KIAA0825: variants seen among roughly 807,000 people sequenced by gnomAD.
KIAA0825 encodes KIAA0825.
KIAA0825 carries 119 observed loss-of-function variants against 147.6 expected under a neutral mutation model. The ratio of observed to expected loss-of-function variants is 0.81; its 90% confidence interval spans 0.69 to 0.94. KIAA0825 has a LOEUF of 0.94. Among genes scored for constraint, KIAA0825 ranks in the 40% least tolerant of loss-of-function variants. The pLI is 0.00. For synonymous variants in KIAA0825, 470 were observed against 518.1 expected (o/e 0.91, Z 1.26); for missense variants, 1,381 against 1,472.7 (o/e 0.94, Z 1.02).
chr5:94,190,923 C>T (rs765790443), intron 20 of KIAA0825, among the ~76,000 whole-genome samples: 3 of 152,066 alleles, frequency 2.0e-5, no homozygotes, highest in Non-Finnish European at 4.4e-5. Context: ...ACACCAAATG[C>T]TAGACATCTG....
chr5:94,204,164 T>C (rs1374506833), intron 20 of KIAA0825, among the ~76,000 whole-genome samples: 6 of 152,124 alleles, frequency 3.9e-5, no homozygotes, highest in Admixed American at 2.6e-4. Flanking sequence ...GTTATTCAAA[T>C]AGAACAAATT....
At chr5:94,422,223 A>C (rs1754276370) in intron 14 of KIAA0825, among the ~76,000 whole-genome samples, 1 of 152,138 alleles carries the variant, frequency 6.6e-6, no homozygotes, top group African/African-American at 2.4e-5. Flanking sequence ...CTTTCCTCTA[A>C]AGTAGGTCAT....
chr5:94,507,406 T>C (rs1034214723), intron 5 of KIAA0825, among the ~76,000 whole-genome samples: 3 of 152,040 alleles, frequency 2.0e-5, no homozygotes, highest in African/African-American at 7.2e-5. Flanking sequence ...TAAGCTGAGA[T>C]TGCACCACTG....
rs759285616 is a variant in KIAA0825 at position 94,520,248 on chromosome 5, C to A, written c.970G>T (p.Val324Phe). 8 of 1,584,666 alleles carry A rather than the reference C, an allele frequency of 5.0e-6. No homozygotes were observed. The highest frequency in any genetic ancestry group is 1.2e-5 in the South Asian group (1 of 85,630). Reference sequence around the variant, plus strand: ...AACAAAAATTTTAAATGTCACTAACCCAAAGCATGCACTGCTCCTCTATGC... The same window carrying A: ...AACAAAAATTTTAAATGTCACTAACACAAAGCATGCACTGCTCCTCTATGC... ...SKHRGAVHAL[V>F]TTECPQKGRN... The change falls in exon 5 of 21, where the codon GTT becomes TTT. Residue 324 changes from valine to phenylalanine, a missense_variant and splice_region_variant. By Grantham distance (50) the Val-to-Phe change is conservative (BLOSUM62 -1). Coordinates refer to ENST00000682413, the MANE Select transcript of KIAA0825 (RefSeq NM_001145678.3).
chr5:94,510,650 T>C (rs1562573812), intron 5 of KIAA0825, among the ~76,000 whole-genome samples: 1 of 152,238 alleles, frequency 6.6e-6, no homozygotes, highest in Non-Finnish European at 1.5e-5. Flanking sequence ...TAAAAATGTA[T>C]GTATAAACAG....
rs924666322 is a variant in KIAA0825, at chr5:94,601,704, G to A, written c.-153+16796C>T. ...TCCAGGACAGAGGATATAACTGACCGGATAGAACTGAAAAACACCATACAA... is the reference window on the plus strand; with the variant it reads ...TCCAGGACAGAGGATATAACTGACCAGATAGAACTGAAAAACACCATACAA... On this transcript the variant is annotated intron_variant, in intron 1 of 20. Transcript: ENST00000682413. Among the ~76,000 whole-genome samples, 36 of 152,220 alleles carry A rather than the reference G, an allele frequency of 2.4e-4. 1 individual carries two copies. The highest frequency in any genetic ancestry group is 6.7e-4 in the African/African-American group (28 of 41,520).
chr5:94,389,000 A>G (rs971790711), intron 18 of KIAA0825, among the ~76,000 whole-genome samples: 38 of 152,286 alleles, frequency 2.5e-4, no homozygotes, highest in South Asian at 1.0e-3. Context: ...TGTATGGTAG[A>G]TGCACCTGAC....
intron 20 of KIAA0825, among the ~76,000 whole-genome samples, chr5:94,372,035 A>G (rs1245247864): frequency 6.6e-6 from 1 of 152,208 alleles, no homozygotes; most frequent in Non-Finnish European, 1.5e-5. Flanking sequence ...CTCCAATAGG[A>G]AAGTTATTAA....
At chr5:94,193,447 G>A (rs760017134) in intron 20 of KIAA0825, among the ~76,000 whole-genome samples, 24 of 152,342 alleles carry the variant, frequency 1.6e-4, no homozygotes, top group Admixed American at 2.0e-4. Flanking sequence ...GGCCAGAGGG[G>A]TGAAGTAATT....
At chr5:94,614,534 T>A (rs1789859942) in intron 1 of KIAA0825, among the ~76,000 whole-genome samples, 2 of 152,174 alleles carry the variant, frequency 1.3e-5, no homozygotes, top group Non-Finnish European at 2.9e-5. Flanking sequence ...CCAGCCTTCA[T>A]CCATCTTACA....
chr5:94,207,665 G>A (rs1338981244), intron 20 of KIAA0825, among the ~76,000 whole-genome samples: 3 of 152,176 alleles, frequency 2.0e-5, no homozygotes, highest in Non-Finnish European at 4.4e-5. Flanking sequence ...TAGGTAAAAA[G>A]GGGTTTTTAA....
At chr5:94,589,066 T>C (rs1783852732) in intron 1 of KIAA0825, among the ~76,000 whole-genome samples, 1 of 152,094 alleles carries the variant, frequency 6.6e-6, no homozygotes, top group South Asian at 2.1e-4. Context: ...AAATACCTAA[T>C]GTAAAAGTGC....
chr5:94,434,734 T>C (rs1756119720), intron 14 of KIAA0825, among the ~76,000 whole-genome samples: 1 of 152,142 alleles, frequency 6.6e-6, no homozygotes. Context: ...GTGTACAAGA[T>C]ACAGGGAAGT....
intron 10 of KIAA0825, among the ~76,000 whole-genome samples, chr5:94,467,479 C>T (rs1354267111): frequency 6.6e-6 from 1 of 152,128 alleles, no homozygotes; most frequent in Non-Finnish European, 1.5e-5. Flanking sequence ...TATTGGAAAA[C>T]ACAAGTTCCT....
chr5:94,503,951 A>C (rs2151129289), intron 5 of KIAA0825, among the ~76,000 whole-genome samples: 1 of 152,340 alleles, frequency 6.6e-6, no homozygotes, highest in African/African-American at 2.4e-5. Context: ...GCTGCAGAAG[A>C]AGCCTATGAC....
chr5:94,297,729 G>T (rs1216655962), intron 20 of KIAA0825, among the ~76,000 whole-genome samples: 1 of 151,592 alleles, frequency 6.6e-6, no homozygotes, highest in Admixed American at 6.6e-5. Context: ...GTGAGTAATT[G>T]GGATTACAGG....
intron 20 of KIAA0825, among the ~76,000 whole-genome samples, chr5:94,192,196 T>G (rs1318955473): frequency 6.6e-6 from 1 of 152,240 alleles, no homozygotes; most frequent in Non-Finnish European, 1.5e-5. Context: ...CTGCCTCTTG[T>G]GTGTTTTCCA....
intron 7 of KIAA0825, among the ~76,000 whole-genome samples, chr5:94,476,756 A>G (rs1276852365): frequency 6.6e-6 from 1 of 152,172 alleles, no homozygotes; most frequent in Non-Finnish European, 1.5e-5. Flanking sequence ...GATCAAAAAT[A>G]TGAGGCCAGT....
Position 94,181,621 on chromosome 5 carries a change from G to A in KIAA0825, c.3711-27497C>T, listed in dbSNP as rs190367387. Among the ~76,000 whole-genome samples, 24 of 152,230 alleles carry A rather than the reference G, an allele frequency of 1.6e-4. No homozygotes were observed. In the East Asian group the frequency reaches 4.1e-3, roughly 26 times the overall value. On this transcript the variant is annotated intron_variant, in intron 20 of 20. Coordinates refer to ENST00000682413, the MANE Select transcript of KIAA0825 (RefSeq NM_001145678.3). ...TCAATTAAATAATTGCTTTATTAAC[G>A]TAATGTATTACTGCTGTAAGACATG... is the stretch of plus-strand genomic sequence containing the variant.
Sources: allele counts gnomAD v4.1 joint callset (sites outside exome capture counted in the v4.1 genomes callset), GRCh38; gene constraint gnomAD v4.1.1; transcripts MANE v1.5; gene names NCBI Gene and HGNC (gene_info 2026-07-23, HGNC 2026-07-21).